CBR4: variants seen among roughly 807,000 people sequenced by gnomAD.
CBR4 encodes 3-oxoacyl-[acyl-carrier-protein] reductase.
Under a neutral mutation model 21.0 loss-of-function variants are expected in CBR4, and 22 were observed. The observed-to-expected ratio is 1.05, with a 90% confidence interval of 0.75 to 1.50. The LOEUF (loss-of-function observed/expected upper bound fraction) is 1.50, where lower values mean the gene tolerates loss of function less well. Among genes scored for constraint, CBR4 ranks in the 40% most tolerant of loss-of-function variants. The pLI is 0.00. For synonymous variants in CBR4, 100 were observed against 104.4 expected (o/e 0.96, Z 0.26); for missense variants, 302 against 286.3 (o/e 1.05, Z -0.40).
intron 2 of CBR4, among the ~76,000 whole-genome samples, chr4:168,972,862 A>T (rs1172576516): frequency 6.6e-6 from 1 of 152,132 alleles, no homozygotes; most frequent in Non-Finnish European, 1.5e-5. Flanking sequence ...TCAGTTCTTA[A>T]AGGAAATACT....
intron 2 of CBR4, among the ~76,000 whole-genome samples, chr4:168,925,792 T>G (rs1762471637): frequency 6.6e-6 from 1 of 152,228 alleles, no homozygotes; most frequent in African/African-American, 2.4e-5. Context: ...GGCCTCAACC[T>G]TCCCTACTGT....
At chr4:168,967,917 T>C (rs4446276) in intron 2 of CBR4, among the ~76,000 whole-genome samples, 77,250 of 152,010 alleles carry the variant, frequency 0.51, 23,345 homozygotes, top group East Asian at 0.88. Context: ...AACATGATTA[T>C]AGGATACTCC....
intron 2 of CBR4, among the ~76,000 whole-genome samples, chr4:168,929,710 C>G (rs1490486531): frequency 6.6e-6 from 1 of 152,136 alleles, no homozygotes; most frequent in Non-Finnish European, 1.5e-5. Flanking sequence ...AAGCAAGTTA[C>G]TTTACCTCCC....
At chr4:168,925,682 TA>T (rs201771137) in intron 2 of CBR4, among the ~76,000 whole-genome samples, 16 of 152,000 alleles carry the variant, frequency 1.1e-4, no homozygotes, top group African/African-American at 2.9e-4. Flanking sequence ...TCCATTGACA[TA>T]AAAAAAACAC....
chr4:168,922,543 A>G (rs79532885), intron 2 of CBR4, among the ~76,000 whole-genome samples: 1 of 152,204 alleles, frequency 6.6e-6, no homozygotes, highest in East Asian at 1.9e-4. Flanking sequence ...GTGCTCTTCT[A>G]AACACACTAC....
At chr4:168,975,746 C>A (rs4692679) in intron 2 of CBR4, among the ~76,000 whole-genome samples, 1 of 151,914 alleles carries the variant, frequency 6.6e-6, no homozygotes, top group Non-Finnish European at 1.5e-5. Context: ...CAGATTCTCC[C>A]TGGGCGGGAC....
intron 2 of CBR4, chr4:168,924,138 G>A: frequency 1.2e-6 from 1 of 847,848 alleles, no homozygotes; most frequent in Non-Finnish European, 2.0e-6. Context: ...TTACCACCTG[G>A]AGTAAAAAAT....
chr4:168,963,949 G>C (rs1436267038), intron 2 of CBR4, among the ~76,000 whole-genome samples: 1 of 151,956 alleles, frequency 6.6e-6, no homozygotes, highest in African/African-American at 2.4e-5. Flanking sequence ...AACAGTTGGG[G>C]AACATCCAAA....
At chr4:168,965,185 A>T (rs1054959055) in intron 2 of CBR4, among the ~76,000 whole-genome samples, 4 of 152,192 alleles carry the variant, frequency 2.6e-5, no homozygotes, top group African/African-American at 9.7e-5. Context: ...AATACCTAGG[A>T]ATACAACTTA....
At position 168,988,196 on chromosome 4, in the gene CBR4, C is replaced by A. The variant is rs189677590; in HGVS notation, c.*1954G>T. 1.7e-5 allele frequency: 17 copies of A among 985,256 alleles called. No homozygotes were observed. Among genetic ancestry groups the A allele is most frequent in the Non-Finnish European group, 2.0e-5 (17 of 829,914 alleles). 61.0% of individuals were successfully genotyped at this position (985,256 alleles called of 1,614,324 possible). A position where few individuals can be genotyped will look rare whatever the true frequency, so the allele number is the denominator to read the frequency against. On this transcript the variant is annotated 3_prime_UTR_variant, in exon 5 of 5. Coordinates refer to ENST00000306193, the MANE Select transcript of CBR4 (RefSeq NM_032783.5). ...GGTCAGTGGGAGTGGGCGGATTCAC[C>A]TGGAGTGGAGCAGTGAAGGTTTATT...
chr4:168,962,821 A>G (rs1763901763), intron 2 of CBR4, among the ~76,000 whole-genome samples: 1 of 152,184 alleles, frequency 6.6e-6, no homozygotes, highest in Non-Finnish European at 1.5e-5. Flanking sequence ...AAAGGAGCAC[A>G]TAAAGGAAAT....
rs949837468 is a variant in CBR4, at chr4:168,904,892, T to C, written n.170-10127A>G. The stretch of plus-strand genomic sequence containing the variant: ...CTGTAGTCCCAGCACTTTGGGAGGC[T>C]GAGGCAGGTGGATTGCCTCAGCCCC... On this transcript the variant is annotated intron_variant and non_coding_transcript_variant, in intron 2 of 3. Coordinates refer to the CBR4 transcript ENST00000509108. Among the ~76,000 whole-genome samples, 6 of 152,050 alleles carry C rather than the reference T, an allele frequency of 3.9e-5. No homozygotes were observed. In the South Asian group the frequency reaches 1.0e-3, roughly 26 times the overall value.
chr4:168,917,900 C>T (rs149303984), intron 2 of CBR4, among the ~76,000 whole-genome samples: 145 of 151,878 alleles, frequency 9.5e-4, no homozygotes, highest in African/African-American at 3.3e-3. Context: ...CTTATATATC[C>T]GAGGAAAATG....
chr4:168,936,126 T>C (rs1392499420), intron 2 of CBR4, among the ~76,000 whole-genome samples: 1 of 152,202 alleles, frequency 6.6e-6, no homozygotes, highest in African/African-American at 2.4e-5. Flanking sequence ...CCGCTGGTGA[T>C]ACCCAGGTAA....
chr4:168,964,532 C>T (rs1168693208), intron 2 of CBR4, among the ~76,000 whole-genome samples: 1 of 152,148 alleles, frequency 6.6e-6, no homozygotes, highest in Non-Finnish European at 1.5e-5. Flanking sequence ...GTATGCAATA[C>T]TCTTCATATC....
chr4:168,972,373 T>C (rs1764238218), intron 2 of CBR4, among the ~76,000 whole-genome samples: 1 of 152,208 alleles, frequency 6.6e-6, no homozygotes, highest in African/African-American at 2.4e-5. Flanking sequence ...CTTTTGGCAA[T>C]ATGGTCATTT....
At chr4:169,000,487 G>A (rs949719672) in intron 4 of CBR4, among the ~76,000 whole-genome samples, 1 of 152,148 alleles carries the variant, frequency 6.6e-6, no homozygotes, top group East Asian at 1.9e-4. Context: ...CAACTTCAGT[G>A]CCAAAGAAAA....
At chr4:168,970,832 T>TCA (rs1216636785) in intron 2 of CBR4, among the ~76,000 whole-genome samples, 3 of 94,716 alleles carry the variant, frequency 3.2e-5, no homozygotes, top group African/African-American at 9.3e-5. Context: ...TAGTAGTCCA[T>TCA]GATATATATA....
intron 4 of CBR4, among the ~76,000 whole-genome samples, chr4:168,990,743 A>G (rs1399343994): frequency 6.6e-6 from 1 of 151,636 alleles, no homozygotes; most frequent in Non-Finnish European, 1.5e-5. Flanking sequence ...ATTATTAATA[A>G]ACCTTGTTTA....
Sources: gnomAD v4.1 joint callset for allele counts (sites outside exome capture counted in the v4.1 genomes callset) on GRCh38, gnomAD v4.1.1 for gene constraint, MANE v1.5 for transcripts, NCBI Gene and HGNC (gene_info 2026-07-23, HGNC 2026-07-21) for gene names.